Variants in KCNIP4 observed in about 807,000 individuals in gnomAD.
KCNIP4 encodes the protein Kv channel-interacting protein 4.
In KCNIP4, 12 loss-of-function variants were observed where a neutral mutation model predicts 34.0. That is an observed-to-expected ratio of 0.35 (90% CI 0.23 to 0.57). The LOEUF (loss-of-function observed/expected upper bound fraction) is 0.57. Among genes scored for constraint, KCNIP4 ranks in the 20% least tolerant of loss-of-function variants. The probability of loss-of-function intolerance (pLI) is 0.83; values close to 1 mark genes in which losing one functional copy is unlikely to be tolerated. For synonymous variants in KCNIP4, 124 were observed against 102.2 expected (o/e 1.21, Z -1.29); for missense variants, 238 against 311.7 (o/e 0.76, Z 1.78).
At chr4:21,724,427 A>G (rs929525277) in intron 1 of KCNIP4, among the ~76,000 whole-genome samples, 2 of 152,170 alleles carry the variant, frequency 1.3e-5, no homozygotes, top group Non-Finnish European at 2.9e-5. Flanking sequence ...GACATTCAAC[A>G]TGTATGAACT....
chr4:21,241,439 A>C (rs77490121), intron 1 of KCNIP4, among the ~76,000 whole-genome samples: 3 of 152,236 alleles, frequency 2.0e-5, no homozygotes, highest in Non-Finnish European at 4.4e-5. Context: ...TGACATTCAC[A>C]GAGGGGTTAG....
At chr4:21,480,960 G>A (rs1731377872) in intron 1 of KCNIP4, among the ~76,000 whole-genome samples, 2 of 152,126 alleles carry the variant, frequency 1.3e-5, no homozygotes, top group South Asian at 2.1e-4. Context: ...ATAAAGGCAG[G>A]AGAAAAGCAA....
intron 1 of KCNIP4, among the ~76,000 whole-genome samples, chr4:21,306,809 T>C (rs1291718474): frequency 1.3e-5 from 2 of 151,756 alleles, no homozygotes; most frequent in Non-Finnish European, 2.9e-5. Context: ...GAGAAACATA[T>C]GTAGGCAGGA....
At chr4:21,047,551 T>C (rs1742542393) in intron 1 of KCNIP4, among the ~76,000 whole-genome samples, 1 of 152,136 alleles carries the variant, frequency 6.6e-6, no homozygotes, top group Non-Finnish European at 1.5e-5. Context: ...TTTACATAAA[T>C]AGAAAGCAGA....
At chr4:21,597,224 A>G (rs749390480) in intron 1 of KCNIP4, among the ~76,000 whole-genome samples, 1 of 151,984 alleles carries the variant, frequency 6.6e-6, no homozygotes, top group Non-Finnish European at 1.5e-5. Flanking sequence ...GGTAGTGAAT[A>G]AGTCTCAGAA....
chr4:20,983,405 G>A (rs984455828), intron 1 of KCNIP4, among the ~76,000 whole-genome samples: 5 of 151,984 alleles, frequency 3.3e-5, no homozygotes, highest in Admixed American at 2.6e-4. Flanking sequence ...AACTAATGAG[G>A]GACACACAGA....
At chr4:21,435,271 A>G (rs1726850287) in intron 1 of KCNIP4, among the ~76,000 whole-genome samples, 1 of 152,204 alleles carries the variant, frequency 6.6e-6, no homozygotes, top group Admixed American at 6.5e-5. Context: ...GAGGGGGTAT[A>G]GTGGGTGAAG....
rs13106361 is a variant in KCNIP4, at chr4:21,400,512, C to T, written c.62-517803G>A. ...CCTCTCCCCTCCCTTCCCCTCCCTT[C>T]CTCTTCTCTTCTCTTCTCTTCTCTT... On this transcript the variant is annotated intron_variant, in intron 1 of 8. Coordinates refer to ENST00000382152, the MANE Select transcript of KCNIP4 (RefSeq NM_025221.6). 1.9e-3 allele frequency among the ~76,000 whole-genome samples: 195 copies of T among 105,208 alleles called. 5 individuals carry two copies. The highest frequency in any genetic ancestry group is 7.4e-3 in the African/African-American group (186 of 25,270). The allele number at this position is 105,208 out of a possible 152,430, so 69.0% of individuals were successfully genotyped here.
At chr4:21,105,687 A>T (rs1349518118) in intron 1 of KCNIP4, among the ~76,000 whole-genome samples, 1 of 151,594 alleles carries the variant, frequency 6.6e-6, no homozygotes, top group Non-Finnish European at 1.5e-5. Context: ...TTTCAAATGG[A>T]AGGCTTCCAG....
At chr4:21,526,184 A>G (rs916321171) in intron 1 of KCNIP4, among the ~76,000 whole-genome samples, 2 of 152,146 alleles carry the variant, frequency 1.3e-5, no homozygotes, top group African/African-American at 4.8e-5. Flanking sequence ...CCTACATGTC[A>G]TGACATGGAC....
chr4:21,189,517 T>G (rs1469983014), intron 1 of KCNIP4, among the ~76,000 whole-genome samples: 1 of 152,224 alleles, frequency 6.6e-6, no homozygotes, highest in Admixed American at 6.5e-5. Flanking sequence ...TTCATAAAAT[T>G]GTGTACAAAA....
intron 1 of KCNIP4, among the ~76,000 whole-genome samples, chr4:21,452,287 A>G (rs1728575147): frequency 6.6e-6 from 1 of 152,170 alleles, no homozygotes; most frequent in South Asian, 2.1e-4. Context: ...AGTGTCTTAT[A>G]TCAAAGACCC....
intron 3 of KCNIP4, among the ~76,000 whole-genome samples, chr4:20,835,493 G>A (rs2149463740): frequency 6.6e-6 from 1 of 152,132 alleles, no homozygotes; most frequent in Admixed American, 6.5e-5. Context: ...GCTGCTAAGA[G>A]AATAAAGAGG....
At chr4:20,878,976 A>G (rs1724378984) in intron 2 of KCNIP4, among the ~76,000 whole-genome samples, 1 of 152,138 alleles carries the variant, frequency 6.6e-6, no homozygotes. Context: ...CAGAGAGAAG[A>G]TTCCGACTTC....
intron 1 of KCNIP4, among the ~76,000 whole-genome samples, chr4:20,989,351 AAGG>A (rs2149703705): frequency 6.6e-6 from 1 of 152,340 alleles, no homozygotes; most frequent in Non-Finnish European, 1.5e-5. Flanking sequence ...AATGCATAAA[AAGG>A]AGGTATAGAG....
At chr4:21,535,364 T>G (rs748805127) in intron 1 of KCNIP4, among the ~76,000 whole-genome samples, 1 of 152,168 alleles carries the variant, frequency 6.6e-6, no homozygotes, top group Non-Finnish European at 1.5e-5. Flanking sequence ...ATGTTTTCAA[T>G]GAAGCATGAA....
intron 1 of KCNIP4, among the ~76,000 whole-genome samples, chr4:21,920,873 C>CTTTTTTTTTTTTTTTTTTTTTTTTTTTTT (rs1728899285): frequency 2.0e-5 from 3 of 151,642 alleles, no homozygotes; most frequent in African/African-American, 7.3e-5. Flanking sequence ...TGTACATTTT[C>CTTTTTTTTTTTTTTTTTTTTTTTTTTTTT]TTTGTTTGCT....
intron 1 of KCNIP4, among the ~76,000 whole-genome samples, chr4:21,365,282 C>T (rs1719634794): frequency 6.6e-6 from 1 of 151,858 alleles, no homozygotes; most frequent in Non-Finnish European, 1.5e-5. Flanking sequence ...GTCAAGAGTT[C>T]AAGACCAGCC....
chr4:21,893,650 C>T (rs1161335560), intron 1 of KCNIP4, among the ~76,000 whole-genome samples: 1 of 152,064 alleles, frequency 6.6e-6, no homozygotes, highest in Non-Finnish European at 1.5e-5. Context: ...CATGTTGCCC[C>T]AACAGTAGAT....
Sources: allele counts gnomAD v4.1 joint callset (sites outside exome capture counted in the v4.1 genomes callset), GRCh38; gene constraint gnomAD v4.1.1; transcripts MANE v1.5; gene names NCBI Gene and HGNC (gene_info 2026-07-23, HGNC 2026-07-21).